ZNF518A: variants seen among roughly 807,000 people sequenced by gnomAD.
ZNF518A encodes zinc finger protein 518A, also known as zinc finger protein 518.
A neutral mutation model predicts 102.7 loss-of-function variants in ZNF518A; 47 were observed. The ratio of observed to expected loss-of-function variants is 0.46; its 90% CI spans 0.36 to 0.58. The LOEUF is 0.58. Ranked by LOEUF, ZNF518A falls within the 20% of genes least tolerant of loss-of-function variation. ZNF518A has a pLI of 0.00. For synonymous variants in ZNF518A, 652 were observed against 594.6 expected, an observed-to-expected ratio of 1.10 and a Z score of -1.40; for missense variants, 1,793 against 1,699.8, an observed-to-expected ratio of 1.05 and a Z score of -0.96.
At chr10:96,173,577 A>G (rs1380122806) in intron 1 of ZNF518A, among the ~76,000 whole-genome samples, 4 of 152,212 alleles carry the variant, frequency 2.6e-5, no homozygotes, top group African/African-American at 7.2e-5. Flanking sequence ...TCAGGAAGCT[A>G]TAACAATTTT....
intron 3 of ZNF518A, among the ~76,000 whole-genome samples, chr10:96,140,806 TG>T (rs2081882763): frequency 6.6e-6 from 1 of 150,912 alleles, no homozygotes; most frequent in African/African-American, 2.4e-5. Flanking sequence ...CTGGGCATGG[TG>T]GTGCATACCT....
intron 1 of ZNF518A, among the ~76,000 whole-genome samples, chr10:96,198,751 A>G (rs2083542504): frequency 1.3e-5 from 2 of 152,240 alleles, no homozygotes; most frequent in East Asian, 3.9e-4. Context: ...CAGGCTGGAG[A>G]GCAGTGGCAT....
chr10:96,131,976 A>T (rs781878890), intron 1 of ZNF518A, among the ~76,000 whole-genome samples: 60 of 148,524 alleles, frequency 4.0e-4, no homozygotes, highest in Middle Eastern at 3.6e-3. Flanking sequence ...TCATTGAGGC[A>T]TTGTGACATT....
At chr10:96,129,841 G>C (rs1454695234), upstream of ZNF518A, 1 of 152,470 alleles carries the variant, frequency 6.6e-6, no homozygotes, top group African/African-American at 2.4e-5. Context: ...GCAGCTGCTG[G>C]TGAGCAAAGA....
intron 3 of ZNF518A, chr10:96,135,421 C>G (rs1343234204): frequency 6.6e-6 from 1 of 152,158 alleles, no homozygotes; most frequent in East Asian, 1.9e-4. Flanking sequence ...AATATATGGC[C>G]CTTATGAATT....
chr10:96,197,806 C>T (rs2083510012), intron 1 of ZNF518A, among the ~76,000 whole-genome samples: 1 of 151,548 alleles, frequency 6.6e-6, no homozygotes, highest in African/African-American at 2.4e-5. Flanking sequence ...GTCCCAGCTA[C>T]TCGGGAGGCT....
Position 96,160,163 on chromosome 10 carries a change from T to C in ZNF518A, c.3841T>C (p.Cys1281Arg). 2 of 1,609,838 alleles carry C rather than the reference T, an allele frequency of 1.2e-6. No homozygotes were observed. Among genetic ancestry groups the C allele is most frequent in the South Asian group, 1.1e-5 (1 of 90,492 alleles). The change falls in exon 6 of 6, where the codon TGT (cysteine) becomes CGT (arginine). Residue 1281 changes from cysteine to arginine, a missense_variant. Cys to Arg is a radical substitution (Grantham distance 180, BLOSUM62 -3). Transcript: ENST00000316045. The part of the protein sequence containing the change: ...VSRNRNCKRK[C>R]RDSYQEPPRR... ...TAGAAACAGAAACTGTAAACGAAAGTGTAGGGATAGTTACCAAGAACCTCC... is the reference window on the plus strand; with the variant it reads ...TAGAAACAGAAACTGTAAACGAAAGCGTAGGGATAGTTACCAAGAACCTCC...
intron 1 of ZNF518A, among the ~76,000 whole-genome samples, chr10:96,202,161 T>C (rs761435292): frequency 2.0e-4 from 31 of 152,082 alleles, no homozygotes; most frequent in Non-Finnish European, 3.8e-4. Context: ...GGACCAGATT[T>C]ATAGGACTTG....
chr10:96,169,821 T>TA (rs1187862464), intron 1 of ZNF518A, among the ~76,000 whole-genome samples: 4 of 152,256 alleles, frequency 2.6e-5, no homozygotes, highest in African/African-American at 9.6e-5. Context: ...TTGTTATTCT[T>TA]ACCGTGTTTT....
At chr10:96,191,369 A>G (rs1554893384) in intron 1 of ZNF518A, among the ~76,000 whole-genome samples, 1 of 151,858 alleles carries the variant, frequency 6.6e-6, no homozygotes, top group African/African-American at 2.4e-5. Context: ...AAGAGGGTAT[A>G]ATTATCTTTA....
intron 3 of ZNF518A, among the ~76,000 whole-genome samples, chr10:96,154,761 C>G (rs1417687797): frequency 6.6e-6 from 1 of 152,102 alleles, no homozygotes; most frequent in Non-Finnish European, 1.5e-5. Context: ...CTTTGTAATA[C>G]TAAAGTTTTA....
chr10:96,131,143 A>T (rs1472203367), intron 1 of ZNF518A, among the ~76,000 whole-genome samples: 1 of 152,254 alleles, frequency 6.6e-6, no homozygotes, highest in Non-Finnish European at 1.5e-5. Context: ...CAAGGAATTC[A>T]TAAGAATGTT....
chr10:96,149,206 TA>T (rs1306500843), intron 3 of ZNF518A, among the ~76,000 whole-genome samples: 1 of 152,216 alleles, frequency 6.6e-6, no homozygotes, highest in Non-Finnish European at 1.5e-5. Context: ...TTTTGGTACT[TA>T]CCTTGTCATG....
chr10:96,170,116 G>A (rs1902702), intron 1 of ZNF518A, among the ~76,000 whole-genome samples: 128,920 of 152,176 alleles, frequency 0.85, 55,491 homozygotes, highest in Non-Finnish European at 0.93. Flanking sequence ...CTAAGCACAC[G>A]TACAGCCCTG....
Position 96,157,628 on chromosome 10 carries a change from G to T in ZNF518A, c.1306G>T (p.Val436Phe). ...NVMMKNNKLA[V>F]SPNYNATFMG... ...AATGATGAAAAATAATAAACTAGCA[G>T]TTTCCCCTAACTATAATGCTACGTT... The change falls in exon 6 of 6, where the codon GTT becomes TTT. Residue 436 changes from valine (V) to phenylalanine (F), a missense_variant. Val to Phe is a conservative substitution (Grantham distance 50). Around this residue, in one of 3 missense-constraint regions of ZNF518A, gnomAD observed 1,741 missense variants for 1,622.6 expected, o/e 1.07. Transcript: ENST00000316045. 1 of 1,613,830 alleles carries T rather than the reference G, an allele frequency of 6.2e-7. No homozygotes were observed. The highest frequency in any genetic ancestry group is 2.2e-5 in the East Asian group (1 of 44,880).
At chr10:96,190,782 T>C (rs1368051562) in intron 1 of ZNF518A, among the ~76,000 whole-genome samples, 3 of 152,198 alleles carry the variant, frequency 2.0e-5, no homozygotes, top group Non-Finnish European at 4.4e-5. Flanking sequence ...GTATGATACA[T>C]TTCTGGGATG....
chr10:96,156,223 A>C lies in ZNF518A; in HGVS notation c.-100A>C. The C allele has an allele frequency of 8.9e-7, 1 of 1,120,796 alleles. No homozygotes were observed. Among genetic ancestry groups the C allele is most frequent in the Non-Finnish European group, 1.2e-6 (1 of 825,558 alleles). The allele number at this position is 1,120,796 out of a possible 1,614,324, so 69.4% of individuals were successfully genotyped here. ...TGAGTTATTGTGGGAAAAATCCTGT[A>C]TATTGAAGATGTCTCTACACAGTAT... On this transcript the variant is annotated 5_prime_UTR_variant, in exon 6 of 6. Transcript: ENST00000316045.
Position 96,158,325 on chromosome 10 carries a change from C to T in ZNF518A, c.2003C>T (p.Ser668Leu). The change falls in exon 6 of 6, where the codon TCA (serine) becomes TTA (leucine). Residue 668 changes from serine (S) to leucine (L), a missense_variant. Physicochemically the swap from Ser to Leu is moderately radical, Grantham distance 145. Coordinates refer to ENST00000316045, the MANE Select transcript of ZNF518A (RefSeq NM_001330736.2). ...AVYENPQRES[S>L]SSKTVVQQPI... Reference sequence around the variant, plus strand: ...TATGAAAACCCTCAAAGAGAATCTTCATCCAGCAAAACAGTTGTCCAACAA... The same window carrying T: ...TATGAAAACCCTCAAAGAGAATCTTTATCCAGCAAAACAGTTGTCCAACAA... 2 of 1,613,794 alleles carry T rather than the reference C, an allele frequency of 1.2e-6. No homozygotes were observed. Among genetic ancestry groups the T allele is most frequent in the Non-Finnish European group, 8.5e-7 (1 of 1,179,770 alleles).
downstream of ZNF518A, among the ~76,000 whole-genome samples, chr10:96,165,754 G>A (rs1173335853): frequency 6.6e-6 from 1 of 152,188 alleles, no homozygotes; most frequent in African/African-American, 2.4e-5. Flanking sequence ...GAGGGTTGGA[G>A]TAAGCTTCAA....
Sources: gnomAD v4.1 joint callset for allele counts (sites outside exome capture counted in the v4.1 genomes callset) on GRCh38, gnomAD v4.1.1 for gene constraint, gnomAD v4.1.1 regional missense constraint, MANE v1.5 for transcripts, NCBI Gene and HGNC (gene_info 2026-07-23, HGNC 2026-07-21) for gene names.